Variants in BTBD9 observed in about 807,000 individuals in gnomAD.
BTBD9 encodes BTB domain containing 9, also known as BTB/POZ domain-containing protein 9.
Under a neutral mutation model 64.3 loss-of-function variants are expected in BTBD9, and 49 were observed. That is an observed-to-expected ratio of 0.76 (90% CI 0.61 to 0.97). The LOEUF (loss-of-function observed/expected upper bound fraction) is 0.97, where lower values mean the gene tolerates loss of function less well. Ranked by LOEUF, BTBD9 falls within the 50% of genes least tolerant of loss-of-function variation. BTBD9 has a pLI of 0.00. For synonymous variants in BTBD9, 260 were observed against 274.7 expected, an observed-to-expected ratio of 0.95 and a Z score of 0.53; for missense variants, 598 against 762.1, an observed-to-expected ratio of 0.78 and a Z score of 2.53.
chr6:38,273,914 C>A (rs1765280230), intron 8 of BTBD9, among the ~76,000 whole-genome samples: 1 of 152,194 alleles, frequency 6.6e-6, no homozygotes, highest in South Asian at 2.1e-4. Context: ...CTGGCTCACG[C>A]CACTTAGGGC....
chr6:38,573,983 G>A (rs1048877998), intron 6 of BTBD9, among the ~76,000 whole-genome samples: 1 of 152,158 alleles, frequency 6.6e-6, no homozygotes, highest in Non-Finnish European at 1.5e-5. Context: ...AGAAAGAAAA[G>A]GCTGATAAGA....
At chr6:38,251,628 G>A (rs994933708) in intron 9 of BTBD9, among the ~76,000 whole-genome samples, 10 of 152,080 alleles carry the variant, frequency 6.6e-5, no homozygotes, top group African/African-American at 1.7e-4. Context: ...AGCCAGGTGC[G>A]GTGGCTCACG....
chr6:38,214,086 C>A (rs1582061257), intron 9 of BTBD9, among the ~76,000 whole-genome samples: 1 of 152,124 alleles, frequency 6.6e-6, no homozygotes, highest in Non-Finnish European at 1.5e-5. Flanking sequence ...ACCATTAGCA[C>A]TCTCTGGTGT....
At chr6:38,270,209 T>C (rs952957910) in intron 8 of BTBD9, among the ~76,000 whole-genome samples, 1 of 152,204 alleles carries the variant, frequency 6.6e-6, no homozygotes, top group Admixed American at 6.5e-5. Context: ...CTCTATGCCT[T>C]ATAATCCTTT....
At chr6:38,577,229 T>C (rs1776080080) in intron 6 of BTBD9, among the ~76,000 whole-genome samples, 1 of 152,220 alleles carries the variant, frequency 6.6e-6, no homozygotes, top group African/African-American at 2.4e-5. Flanking sequence ...TCTCATGGCT[T>C]TCATAAGAAG....
At chr6:38,220,201 C>T (rs552375514) in intron 9 of BTBD9, among the ~76,000 whole-genome samples, 67 of 152,262 alleles carry the variant, frequency 4.4e-4, no homozygotes, top group African/African-American at 1.5e-3. Context: ...TCTCAGGGCA[C>T]GGCCCCACCT....
chr6:38,228,980 T>A (rs1007000254), intron 9 of BTBD9, among the ~76,000 whole-genome samples: 3 of 152,164 alleles, frequency 2.0e-5, no homozygotes, highest in Admixed American at 6.5e-5. Context: ...GGGCGGATCA[T>A]GAGGTCAGGA....
chr6:38,428,244 G>A (rs1429020749), intron 6 of BTBD9, among the ~76,000 whole-genome samples: 1 of 151,908 alleles, frequency 6.6e-6, no homozygotes, highest in Non-Finnish European at 1.5e-5. Context: ...GGTCACTCAT[G>A]CTTCTTCAGG....
intron 7 of BTBD9, among the ~76,000 whole-genome samples, chr6:38,298,888 G>A (rs1241718435): frequency 6.7e-6 from 1 of 149,526 alleles, no homozygotes; most frequent in Non-Finnish European, 1.5e-5. Flanking sequence ...TAAGTTTTAG[G>A]GTACATGTGC....
At chr6:38,534,786 T>C (rs9394513) in intron 6 of BTBD9, among the ~76,000 whole-genome samples, 10,727 of 152,162 alleles carry the variant, frequency 0.07, 913 homozygotes, top group East Asian at 0.23. Flanking sequence ...ATCATCTCAA[T>C]TGATGCTGAA....
At chr6:38,500,426 T>A (rs1772145019) in intron 6 of BTBD9, among the ~76,000 whole-genome samples, 1 of 152,238 alleles carries the variant, frequency 6.6e-6, no homozygotes, top group African/African-American at 2.4e-5. Flanking sequence ...CAAAAAGTGC[T>A]TGCTGATTTT....
chr6:38,185,663 G>C (rs779504802), intron 10 of BTBD9, among the ~76,000 whole-genome samples: 7 of 152,216 alleles, frequency 4.6e-5, no homozygotes, highest in African/African-American at 1.4e-4. Flanking sequence ...ACAAGAAACA[G>C]TGGTGCCTCC....
chr6:38,630,153 G>A (rs570630473), intron 1 of BTBD9, among the ~76,000 whole-genome samples: 32 of 148,360 alleles, frequency 2.2e-4, no homozygotes, highest in Non-Finnish European at 4.0e-4. Flanking sequence ...GCAGTGAGCC[G>A]AGATGGTGCC....
intron 6 of BTBD9, chr6:38,504,478 C>A (rs991631611): frequency 2.2e-6 from 1 of 453,192 alleles, no homozygotes; most frequent in African/African-American, 2.0e-5. Flanking sequence ...GAACTTTAGA[C>A]CACATCTCCT....
At chr6:38,592,408 G>C (rs1468523710) in intron 4 of BTBD9, among the ~76,000 whole-genome samples, 168 bp downstream of exon 4, 1 of 152,080 alleles carries the variant, frequency 6.6e-6, no homozygotes, top group African/African-American at 2.4e-5. Flanking sequence ...ATCTCAGGAG[G>C]AATTAACAGG....
chr6:38,222,848 T>C (rs1763260813), intron 9 of BTBD9, among the ~76,000 whole-genome samples: 1 of 152,236 alleles, frequency 6.6e-6, no homozygotes, highest in African/African-American at 2.4e-5. Context: ...TCACATGTTC[T>C]TTCTGGCATC....
At chr6:38,182,723 G>C (rs997083306) in intron 10 of BTBD9, among the ~76,000 whole-genome samples, 45 of 152,180 alleles carry the variant, frequency 3.0e-4, no homozygotes, top group African/African-American at 1.0e-3. Flanking sequence ...CATCTGAGGG[G>C]ACCCTCACAA....
At chr6:38,427,994 A>G (rs1768251296) in intron 6 of BTBD9, among the ~76,000 whole-genome samples, 1 of 151,942 alleles carries the variant, frequency 6.6e-6, no homozygotes, top group Non-Finnish European at 1.5e-5. Context: ...CAACATTTGC[A>G]TAAGTCAAGG....
intron 6 of BTBD9, among the ~76,000 whole-genome samples, chr6:38,358,664 C>T (rs1466000781): frequency 6.6e-6 from 1 of 152,162 alleles, no homozygotes; most frequent in Admixed American, 6.5e-5. Flanking sequence ...TCCAGGGAGG[C>T]CAAAGAAATC....
Sources: allele counts gnomAD v4.1 joint callset (sites outside exome capture counted in the v4.1 genomes callset), GRCh38; gene constraint gnomAD v4.1.1; transcripts MANE v1.5; gene names NCBI Gene and HGNC (gene_info 2026-07-23, HGNC 2026-07-21).